The following BRD4 variants were observed in gnomAD, a reference collection of about 807,000 sequenced individuals.
The protein encoded by BRD4 is bromodomain-containing protein 4.
BRD4 carries 16 observed loss-of-function variants against 142.1 expected under a neutral mutation model. That is an observed-to-expected ratio of 0.11 (90% CI 0.08 to 0.17). BRD4 has a LOEUF of 0.17. Ranked by LOEUF, BRD4 falls within the 10% of genes least tolerant of loss-of-function variation. The probability of loss-of-function intolerance (pLI) is 1.00; values close to 1 mark genes in which losing one functional copy is unlikely to be tolerated. For missense variants in BRD4, 1,424 were observed against 1,810.9 expected, an observed-to-expected ratio of 0.79 and a Z score of 3.88; for synonymous variants, 833 against 707.5, an observed-to-expected ratio of 1.18 and a Z score of -2.82.
At chr19:15,242,747 G>A (rs970524000) in intron 14 of BRD4, among the ~76,000 whole-genome samples, 153 bp downstream of exon 14, 8 of 152,092 alleles carry the variant, frequency 5.3e-5, no homozygotes, top group African/African-American at 1.4e-4. Context: ...ACTGTAGGAA[G>A]CACCAATGAC....
At chr19:15,278,411 T>C (rs969089143) in intron 1 of BRD4, among the ~76,000 whole-genome samples, 3 of 151,778 alleles carry the variant, frequency 2.0e-5, no homozygotes, top group Non-Finnish European at 2.9e-5. Flanking sequence ...TGGCGCATGC[T>C]TGTAATCCAG....
intron 3 of BRD4, among the ~76,000 whole-genome samples, chr19:15,267,990 C>T (rs1238150106): frequency 6.6e-6 from 1 of 152,206 alleles, no homozygotes; most frequent in Non-Finnish European, 1.5e-5. Flanking sequence ...GGACTCTGGG[C>T]ACTGCACATC....
At chr19:15,241,607 A>G (rs2047238435) in intron 14 of BRD4, among the ~76,000 whole-genome samples, 1 of 152,178 alleles carries the variant, frequency 6.6e-6, no homozygotes, top group African/African-American at 2.4e-5. Context: ...CAGCCCCGAT[A>G]GGTGCCTGGT....
At chr19:15,265,774 C>T in intron 4 of BRD4, 131 bp from the exon 5 acceptor site, 2 of 975,928 alleles carry the variant, frequency 2.0e-6, no homozygotes, top group Admixed American at 1.8e-5. Flanking sequence ...GACGAACATC[C>T]CAGACTCCAC....
chr19:15,257,037 G>T lies in BRD4; in HGVS notation c.1478C>A (p.Ser493Tyr), dbSNP rs1364972372. 6.3e-7 allele frequency: 1 copy of T among 1,598,402 alleles called. No homozygotes were observed. ...PSSSDSSSDS[S>Y]SDSDSSTDDS... Reference sequence around the variant, plus strand: ...ATCAGTCGAACTGTCACTGTCCGAGGAGCTATCGCTGCTGCTGTCGCTGGA... The same window carrying T: ...ATCAGTCGAACTGTCACTGTCCGAGTAGCTATCGCTGCTGCTGTCGCTGGA... Residue 493 changes from serine to tyrosine, a missense_variant, in exon 8 of 20, where the codon TCC becomes TAC. Ser to Tyr is a moderately radical substitution (Grantham distance 144). Coordinates refer to ENST00000679869, the MANE Select transcript of BRD4 (RefSeq NM_001379291.1).
intron 12 of BRD4, 35 bp downstream of exon 12, chr19:15,244,674 TC>T: frequency 6.2e-7 from 1 of 1,614,026 alleles, no homozygotes; most frequent in South Asian, 1.1e-5. Flanking sequence ...AGACCCAACG[TC>T]CCACCTAATG....
At chr19:15,308,718 A>C (rs2047939603) in intron 1 of BRD4, among the ~76,000 whole-genome samples, 1 of 151,254 alleles carries the variant, frequency 6.6e-6, no homozygotes, top group African/African-American at 2.4e-5. Flanking sequence ...GAAACTCCTT[A>C]AACTTTAAAC....
At chr19:15,245,281 C>T (rs903778489) in intron 11 of BRD4, among the ~76,000 whole-genome samples, 1 of 152,144 alleles carries the variant, frequency 6.6e-6, no homozygotes, top group African/African-American at 2.4e-5. Context: ...AGGCCCACTC[C>T]TTTCCATCCT....
intron 1 of BRD4, among the ~76,000 whole-genome samples, chr19:15,288,795 G>A (rs968048559): frequency 8.5e-5 from 13 of 152,156 alleles, no homozygotes; most frequent in Admixed American, 6.5e-5. Context: ...ACTACTCTGT[G>A]AATGGCATGA....
At chr19:15,325,887 AC>A (rs2048103381) in intron 1 of BRD4, among the ~76,000 whole-genome samples, 1 of 150,980 alleles carries the variant, frequency 6.6e-6, no homozygotes, top group Non-Finnish European at 1.5e-5. Flanking sequence ...AATCCTAGCT[AC>A]TAAGGAGGCT....
At chr19:15,242,368 C>T (rs1175634744) in intron 14 of BRD4, among the ~76,000 whole-genome samples, 4 of 152,174 alleles carry the variant, frequency 2.6e-5, no homozygotes, top group Admixed American at 6.5e-5. Flanking sequence ...CTGACCAATG[C>T]TGTCAATGGG....
rs536233279 is a variant in BRD4, at chr19:15,257,079, A to G, written c.1436T>C (p.Val479Ala). 1.2e-6 allele frequency: 2 copies of G among 1,606,738 alleles called. No individual in the cohort carries two copies. The highest frequency in any genetic ancestry group is 2.2e-5 in the South Asian group (2 of 89,450). Residue 479 changes from valine to alanine, a missense_variant, in exon 8 of 20, where the codon GTT becomes GCT. By Grantham distance (64) the Val-to-Ala change is moderately conservative. Around this residue, in one of 16 missense-constraint regions of BRD4, gnomAD observed 90 missense variants for 93.2 expected, o/e 0.97. Coordinates refer to ENST00000679869, the MANE Select transcript of BRD4 (RefSeq NM_001379291.1). ...GTCGCTGGATGAGGGCGGGGCCACA[A>G]CCTTGGTGGGAGGGGGCACTGCCGG... is the stretch of plus-strand genomic sequence containing the variant. ...SSPAVPPPTK[V>A]VAPPSSSDSS...
chr19:15,258,252 G>A (rs1313099543), intron 7 of BRD4, among the ~76,000 whole-genome samples: 1 of 152,188 alleles, frequency 6.6e-6, no homozygotes, highest in Non-Finnish European at 1.5e-5. Flanking sequence ...CCACGCTGCT[G>A]GAGCAGGCAT....
intron 1 of BRD4, among the ~76,000 whole-genome samples, chr19:15,289,045 T>C (rs2145662878): frequency 6.6e-6 from 1 of 152,240 alleles, no homozygotes; most frequent in East Asian, 1.9e-4. Flanking sequence ...CAGAACCACG[T>C]TAGAAATGCT....
chr19:15,331,488 CA>C (rs2048157856), intron 1 of BRD4, among the ~76,000 whole-genome samples: 1 of 152,222 alleles, frequency 6.6e-6, no homozygotes, highest in Non-Finnish European at 1.5e-5. Context: ...CCGAGCAAAA[CA>C]AAGCGCCCAG....
chr19:15,326,420 T>A (rs927431935), intron 1 of BRD4, among the ~76,000 whole-genome samples: 1 of 152,044 alleles, frequency 6.6e-6, no homozygotes. Flanking sequence ...TGAGCCAGTC[T>A]CTGCATGGGT....
chr19:15,244,459 T>C lies in BRD4; in HGVS notation c.2353A>G (p.Met785Val). ...QPPPPPPPPS[M>V]PQQAAPAMKS... ...ATCGCCGGGGCTGCCTGCTGCGGCA[T>C]GGAGGGTGGGGGAGGCGGGGGTGGC... is the stretch of plus-strand genomic sequence containing the variant. Residue 785 changes from methionine (M) to valine (V), a missense_variant, in exon 13 of 20, where the codon ATG becomes GTG. By Grantham distance (21) the Met-to-Val change is conservative. Transcript: ENST00000679869. 3 of 217,498 alleles carry C rather than the reference T, an allele frequency of 1.4e-5. No homozygotes were observed. The highest frequency in any genetic ancestry group is 2.2e-5 in the Non-Finnish European group (3 of 135,650). The allele number at this position is 217,498 out of a possible 1,614,324, so 13.5% of individuals were successfully genotyped here.
intron 11 of BRD4, chr19:15,245,126 C>T (rs1421516945): frequency 9.5e-6 from 3 of 317,250 alleles, no homozygotes; most frequent in East Asian, 1.5e-4. Context: ...GCAACCTGCT[C>T]AGTTTTCCAA....
At chr19:15,309,891 C>T (rs1320782816) in intron 1 of BRD4, among the ~76,000 whole-genome samples, 1 of 152,152 alleles carries the variant, frequency 6.6e-6, no homozygotes, top group Non-Finnish European at 1.5e-5. Flanking sequence ...AGGCACAAGT[C>T]ACAGAACACT....
Sources: allele counts gnomAD v4.1 joint callset (sites outside exome capture counted in the v4.1 genomes callset), GRCh38; gene constraint gnomAD v4.1.1; regional missense constraint gnomAD v4.1.1; transcripts MANE v1.5; gene names NCBI Gene and HGNC (gene_info 2026-07-23, HGNC 2026-07-21).